The following PCDH9 variants were observed in gnomAD, a reference collection of about 807,000 sequenced individuals.
The protein encoded by PCDH9 is protocadherin 9, also known as protocadherin-9.
Under a neutral mutation model 70.6 loss-of-function variants are expected in PCDH9, and 24 were observed. The observed-to-expected ratio is 0.34, with a 90% confidence interval of 0.25 to 0.48. The LOEUF (loss-of-function observed/expected upper bound fraction) is 0.48, where lower values mean the gene tolerates loss of function less well. Ranked by LOEUF, PCDH9 falls within the 20% of genes least tolerant of loss-of-function variation. The probability of loss-of-function intolerance (pLI) is 0.99; values close to 1 mark genes in which losing one functional copy is unlikely to be tolerated. For synonymous variants in PCDH9, 562 were observed against 558.5 expected, an observed-to-expected ratio of 1.01 and a Z score of -0.09; for missense variants, 1,281 against 1,503.6, an observed-to-expected ratio of 0.85 and a Z score of 2.45.
chr13:66,722,917 G>A (rs1004640216), intron 3 of PCDH9, among the ~76,000 whole-genome samples: 6 of 148,282 alleles, frequency 4.0e-5, no homozygotes, highest in East Asian at 2.0e-4. Flanking sequence ...GCAGTGAGCC[G>A]AGATCGTGCC....
intron 2 of PCDH9, among the ~76,000 whole-genome samples, chr13:67,036,929 A>G (rs2085020616): frequency 1.3e-5 from 2 of 152,248 alleles, no homozygotes; most frequent in East Asian, 3.8e-4. Context: ...ATTATCATGC[A>G]GCAGTTGTCC....
chr13:66,603,600 T>C (rs1006640123), intron 4 of PCDH9, among the ~76,000 whole-genome samples: 1 of 151,990 alleles, frequency 6.6e-6, no homozygotes, highest in Non-Finnish European at 1.5e-5. Context: ...TGAACTTTAA[T>C]TAATGTATTT....
At chr13:67,112,039 T>C (rs2086668696) in intron 2 of PCDH9, among the ~76,000 whole-genome samples, 1 of 152,172 alleles carries the variant, frequency 6.6e-6, no homozygotes, top group South Asian at 2.1e-4. Context: ...AACAGTGCAA[T>C]TTGCTATCAG....
chr13:67,048,279 C>A (rs1346109594), intron 2 of PCDH9, among the ~76,000 whole-genome samples: 1 of 152,092 alleles, frequency 6.6e-6, no homozygotes, highest in Non-Finnish European at 1.5e-5. Context: ...GTATATGTTT[C>A]CCCATCCATA....
At chr13:67,166,183 C>T (rs2088111640) in intron 2 of PCDH9, among the ~76,000 whole-genome samples, 1 of 152,144 alleles carries the variant, frequency 6.6e-6, no homozygotes, top group Admixed American at 6.5e-5. Context: ...TCCCTGGCTT[C>T]TTACCCTGTT....
chr13:67,026,407 C>T (rs571098712), intron 2 of PCDH9, among the ~76,000 whole-genome samples: 182 of 152,154 alleles, frequency 1.2e-3, no homozygotes, highest in Non-Finnish European at 1.8e-3. Context: ...ATTGATGGGA[C>T]GTATCTCAAA....
intron 3 of PCDH9, among the ~76,000 whole-genome samples, chr13:66,826,513 G>A (rs1232729562): frequency 6.6e-6 from 1 of 152,118 alleles, no homozygotes; most frequent in African/African-American, 2.4e-5. Flanking sequence ...CCGTTTGCCT[G>A]TATAATTGGA....
chr13:67,130,172 C>G (rs538688025), intron 2 of PCDH9, among the ~76,000 whole-genome samples: 1 of 152,244 alleles, frequency 6.6e-6, no homozygotes, highest in South Asian at 2.1e-4. Flanking sequence ...AGCATTTTCA[C>G]TTTCTGCACA....
intron 2 of PCDH9, among the ~76,000 whole-genome samples, chr13:66,943,703 T>TA (rs35832550): frequency 1.3e-4 from 20 of 151,688 alleles, no homozygotes; most frequent in Non-Finnish European, 2.7e-4. Flanking sequence ...TGCTTTGCAT[T>TA]AAAAAAAAGG....
intron 4 of PCDH9, among the ~76,000 whole-genome samples, chr13:66,495,988 T>C (rs1328465549): frequency 6.6e-6 from 1 of 152,222 alleles, no homozygotes; most frequent in African/African-American, 2.4e-5. Flanking sequence ...TGTGCTTTAC[T>C]TGTTTAAACT....
At chr13:67,003,662 G>A (rs1847945229) in intron 2 of PCDH9, among the ~76,000 whole-genome samples, 1 of 152,174 alleles carries the variant, frequency 6.6e-6, no homozygotes, top group African/African-American at 2.4e-5. Context: ...AATATAGTAT[G>A]AAGCAGGAAT....
chr13:66,865,082 T>C (rs1290334993), intron 3 of PCDH9, among the ~76,000 whole-genome samples: 2 of 152,216 alleles, frequency 1.3e-5, no homozygotes, highest in Admixed American at 6.5e-5. Context: ...AGAATCTTCA[T>C]ACTTTTATGA....
At chr13:67,082,896 A>G (rs1340779506) in intron 2 of PCDH9, among the ~76,000 whole-genome samples, 1 of 152,126 alleles carries the variant, frequency 6.6e-6, no homozygotes, top group Non-Finnish European at 1.5e-5. Context: ...ATAATAGCAA[A>G]CTTTGAAACT....
At chr13:66,393,206 T>C (rs1957047855) in intron 4 of PCDH9, among the ~76,000 whole-genome samples, 1 of 152,174 alleles carries the variant, frequency 6.6e-6, no homozygotes, top group Non-Finnish European at 1.5e-5. Flanking sequence ...TCTAAAAACA[T>C]CTGCACACTG....
intron 3 of PCDH9, among the ~76,000 whole-genome samples, chr13:66,721,541 G>GT (rs141935143): frequency 0.025 from 3,719 of 150,786 alleles, 60 homozygotes; most frequent in Non-Finnish European, 0.041. Flanking sequence ...ATATTTTAGT[G>GT]TTTTTTTTTC....
chr13:67,089,951 A>T (rs192325135), intron 2 of PCDH9, among the ~76,000 whole-genome samples: 1 of 152,028 alleles, frequency 6.6e-6, no homozygotes, highest in Admixed American at 6.6e-5. Context: ...AATGCACAAG[A>T]TTGGCCGTTT....
At chr13:66,781,970 G>A (rs1594054116) in intron 3 of PCDH9, among the ~76,000 whole-genome samples, 1 of 151,958 alleles carries the variant, frequency 6.6e-6, no homozygotes, top group African/African-American at 2.4e-5. Context: ...TTGTGAAAAA[G>A]AACAGCCATT....
At chr13:67,134,678 G>A (rs901177269) in intron 2 of PCDH9, among the ~76,000 whole-genome samples, 8 of 151,860 alleles carry the variant, frequency 5.3e-5, no homozygotes, top group Non-Finnish European at 8.8e-5. Context: ...TTCTTGCTAC[G>A]GTACATTTGA....
intron 3 of PCDH9, among the ~76,000 whole-genome samples, chr13:66,853,565 T>C (rs1487323264): frequency 1.3e-5 from 2 of 152,142 alleles, no homozygotes; most frequent in African/African-American, 4.8e-5. Flanking sequence ...GGAAACATTG[T>C]TGTAGAAGGT....
Sources: allele counts gnomAD v4.1 joint callset (sites outside exome capture counted in the v4.1 genomes callset), GRCh38; gene constraint gnomAD v4.1.1; transcripts MANE v1.5; gene names NCBI Gene and HGNC (gene_info 2026-07-23, HGNC 2026-07-21).